Variants in SLC35F1 observed in about 807,000 individuals in gnomAD.
SLC35F1 encodes chromosome 6 open reading frame 169.
In SLC35F1, 14 loss-of-function variants were observed where a neutral mutation model predicts 48.7. That is an observed-to-expected ratio of 0.29 (90% CI 0.19 to 0.45). SLC35F1 has a LOEUF of 0.45. Ranked by LOEUF, SLC35F1 falls within the 20% of genes least tolerant of loss-of-function variation. SLC35F1 has a pLI of 1.00. For synonymous variants in SLC35F1, 190 were observed against 202.2 expected (o/e 0.94, Z 0.51); for missense variants, 404 against 500.0 (o/e 0.81, Z 1.83).
chr6:117,952,007 G>A (rs768578785), intron 1 of SLC35F1, among the ~76,000 whole-genome samples: 40 of 152,078 alleles, frequency 2.6e-4, no homozygotes, highest in Non-Finnish European at 3.4e-4. Flanking sequence ...GCTGCCAGCC[G>A]GCAGCCTGCC....
intron 1 of SLC35F1, among the ~76,000 whole-genome samples, chr6:118,135,973 C>T (rs915496062): frequency 9.2e-5 from 14 of 152,184 alleles, no homozygotes; most frequent in African/African-American, 3.4e-4. Context: ...ACTCCATGCA[C>T]TGGGCCTGCG....
chr6:118,288,833 T>G (rs527282197), intron 7 of SLC35F1, among the ~76,000 whole-genome samples: 209 of 152,160 alleles, frequency 1.4e-3, no homozygotes, highest in Admixed American at 3.0e-3. Flanking sequence ...TGGTTTACAC[T>G]CTTCACCTAG....
At chr6:117,956,441 G>A (rs1186024901) in intron 1 of SLC35F1, among the ~76,000 whole-genome samples, 1 of 152,198 alleles carries the variant, frequency 6.6e-6, no homozygotes, top group Non-Finnish European at 1.5e-5. Context: ...CTTTTGCAGG[G>A]AGGATTCTGC....
chr6:118,130,417 G>C (rs1052102457), intron 1 of SLC35F1, among the ~76,000 whole-genome samples: 1 of 152,186 alleles, frequency 6.6e-6, no homozygotes, highest in South Asian at 2.1e-4. Context: ...CTTGCAGTGA[G>C]CGGAGATCGC....
At chr6:118,223,920 T>C (rs1276544113) in intron 2 of SLC35F1, among the ~76,000 whole-genome samples, 2 of 152,210 alleles carry the variant, frequency 1.3e-5, no homozygotes, top group African/African-American at 4.8e-5. Context: ...CCTTACATCG[T>C]GCGTCATTAG....
intron 3 of SLC35F1, among the ~76,000 whole-genome samples, chr6:118,243,962 C>G (rs1775472614): frequency 2.6e-5 from 4 of 152,222 alleles, no homozygotes; most frequent in Admixed American, 2.6e-4. Context: ...ACATGATATT[C>G]CAAATCTCTT....
At chr6:118,170,148 A>AT (rs34623294) in intron 2 of SLC35F1, among the ~76,000 whole-genome samples, 2 of 152,214 alleles carry the variant, frequency 1.3e-5, no homozygotes. Context: ...TTTATTCAGC[A>AT]TTTTTGCTAA....
At chr6:118,261,455 T>C (rs1269524464) in intron 3 of SLC35F1, among the ~76,000 whole-genome samples, 3 of 152,136 alleles carry the variant, frequency 2.0e-5, no homozygotes, top group Non-Finnish European at 2.9e-5. Context: ...ACAAGCATAA[T>C]AGTCAACACA....
chr6:118,284,912 A>AAGTGCCACTAAG lies in SLC35F1; in HGVS notation c.848-272_848-271insAGTGCCACTAAG, dbSNP rs1293242011. On this transcript the variant is annotated intron_variant, in intron 6 of 7. Transcript: ENST00000360388. Reference sequence around the variant, plus strand: ...AAAACCTTGATTCTGTGTTCTGACTATCGCCACTAAGAGGCACTCCTTCCC... The same window carrying AAGTGCCACTAAG: ...AAAACCTTGATTCTGTGTTCTGACTAAGTGCCACTAAGTCGCCACTAAGAGGCACTCCTTCCC... 8.1e-3 allele frequency among the ~76,000 whole-genome samples: 1,232 copies of AAGTGCCACTAAG among 152,362 alleles called. 11 individuals are homozygous for AAGTGCCACTAAG. Among genetic ancestry groups the AAGTGCCACTAAG allele is most frequent in the African/African-American group, 0.028 (1,148 of 41,572 alleles).
intron 1 of SLC35F1, among the ~76,000 whole-genome samples, chr6:118,094,595 C>G (rs1375974598): frequency 1.3e-5 from 2 of 152,036 alleles, no homozygotes; most frequent in African/African-American, 4.8e-5. Context: ...GAAGAGTATC[C>G]AGTAAGGTCA....
At chr6:118,011,817 A>T (rs1178468577) in intron 1 of SLC35F1, among the ~76,000 whole-genome samples, 1 of 152,118 alleles carries the variant, frequency 6.6e-6, no homozygotes, top group Non-Finnish European at 1.5e-5. Context: ...CTCAACACAG[A>T]ATTATCCAGC....
At chr6:118,311,695 G>A (rs113681999) in intron 7 of SLC35F1, among the ~76,000 whole-genome samples, 104 of 152,304 alleles carry the variant, frequency 6.8e-4, no homozygotes, top group African/African-American at 2.5e-3. Context: ...GGAAGCTGAG[G>A]TGGGAGGATC....
At chr6:117,994,925 A>G (rs1776965472) in intron 1 of SLC35F1, among the ~76,000 whole-genome samples, 1 of 152,342 alleles carries the variant, frequency 6.6e-6, no homozygotes. Context: ...ATTGCGAAGT[A>G]AATGCCAATG....
chr6:118,260,370 A>G (rs1314975181), intron 3 of SLC35F1, among the ~76,000 whole-genome samples: 1 of 152,180 alleles, frequency 6.6e-6, no homozygotes, highest in Admixed American at 6.5e-5. Flanking sequence ...TGAAATTTAT[A>G]GTATATTTAT....
At chr6:117,928,035 T>C (rs924201055) in intron 1 of SLC35F1, among the ~76,000 whole-genome samples, 3 of 152,138 alleles carry the variant, frequency 2.0e-5, no homozygotes, top group African/African-American at 7.2e-5. Context: ...TTTGGCAGGG[T>C]TTCCTTCTAC....
intron 2 of SLC35F1, among the ~76,000 whole-genome samples, chr6:118,197,241 C>A (rs2114530778): frequency 6.6e-6 from 1 of 151,892 alleles, no homozygotes; most frequent in Non-Finnish European, 1.5e-5. Context: ...CCATCTCTCC[C>A]TTCCTTCATT....
At chr6:117,982,163 T>C (rs1776789227) in intron 1 of SLC35F1, among the ~76,000 whole-genome samples, 1 of 152,244 alleles carries the variant, frequency 6.6e-6, no homozygotes, top group Admixed American at 6.5e-5. Flanking sequence ...CTAAATAAAT[T>C]AGCCTTTCTT....
In SLC35F1 at chr6:118,315,882, T is replaced by A; in HGVS notation, c.*1630T>A. On this transcript the variant is annotated 3_prime_UTR_variant, in exon 8 of 8. Transcript: ENST00000360388. ...AAGAAACACCACAGACCTCTATTATTTAGAATAGATTCTATGTGTCAGTAT... is the reference window on the plus strand; with the variant it reads ...AAGAAACACCACAGACCTCTATTATATAGAATAGATTCTATGTGTCAGTAT... The A allele has an allele frequency of 6.6e-6, 1 of 152,206 alleles. No individual in the cohort carries two copies. The highest frequency in any genetic ancestry group is 1.9e-4 in the East Asian group (1 of 5,198). The allele number at this position is 152,206 out of a possible 1,614,324, so 9.4% of individuals were successfully genotyped here. A position where few individuals can be genotyped will look rare whatever the true frequency, so the allele number is the denominator to read the frequency against.
chr6:118,200,863 T>A (rs1209814641), intron 2 of SLC35F1, among the ~76,000 whole-genome samples: 5 of 152,162 alleles, frequency 3.3e-5, no homozygotes, highest in African/African-American at 9.7e-5. Context: ...TGCTTACTCC[T>A]TTTCTTTTTT....
Sources: gnomAD v4.1 joint callset for allele counts (sites outside exome capture counted in the v4.1 genomes callset) on GRCh38, gnomAD v4.1.1 for gene constraint, MANE v1.5 for transcripts, NCBI Gene and HGNC (gene_info 2026-07-23, HGNC 2026-07-21) for gene names.